EPHX2: variants seen among roughly 807,000 people sequenced by gnomAD.
EPHX2 encodes the protein bifunctional epoxide hydrolase 2.
EPHX2 carries 74 observed loss-of-function variants against 78.7 expected under a neutral mutation model. The ratio of observed to expected loss-of-function variants is 0.94; its 90% CI spans 0.78 to 1.14. The LOEUF (loss-of-function observed/expected upper bound fraction) is 1.14, where lower values mean the gene tolerates loss of function less well. Among genes scored for constraint, EPHX2 ranks in the 50% most tolerant of loss-of-function variants. The pLI is 0.00. For synonymous variants in EPHX2, 251 were observed against 255.2 expected (o/e 0.98, Z 0.16); for missense variants, 715 against 702.5 (o/e 1.02, Z -0.20).
intron 1 of EPHX2, among the ~76,000 whole-genome samples, chr8:27,494,757 G>A (rs1813512730): frequency 6.6e-6 from 1 of 152,206 alleles, no homozygotes; most frequent in South Asian, 2.1e-4. Context: ...GCCATTTGAT[G>A]AGTGTTCTCA....
At chr8:27,515,875 G>T (rs1380480132) in intron 7 of EPHX2, 62 bp downstream of exon 7, 8 of 1,409,094 alleles carry the variant, frequency 5.7e-6, no homozygotes, top group Non-Finnish European at 8.0e-6. Context: ...AGATGGTGTG[G>T]TCCGACGTGG....
At chr8:27,522,052 G>A (rs1049003582) in intron 10 of EPHX2, among the ~76,000 whole-genome samples, 1 of 152,158 alleles carries the variant, frequency 6.6e-6, no homozygotes, top group Non-Finnish European at 1.5e-5. Context: ...GTGGGGTTGT[G>A]GGGGGTAGAA....
chr8:27,501,324 T>TTTCTTCTTCTTC (rs796293855), intron 2 of EPHX2, among the ~76,000 whole-genome samples: 3,223 of 102,944 alleles, frequency 0.031, 139 homozygotes, highest in Middle Eastern at 0.045. Flanking sequence ...TGCTATATAT[T>TTTCTTCTTCTTC]TTCTTCTTCT....
At chr8:27,522,646 A>G (rs117644756) in intron 11 of EPHX2, 138 bp downstream of exon 11, 13,619 of 836,666 alleles carry the variant, frequency 0.016, 154 homozygotes, top group Non-Finnish European at 0.019. Context: ...TTCACTCTTT[A>G]GTGTCTGGTG....
At chr8:27,503,507 G>T in intron 2 of EPHX2, 97 bp from the exon 3 acceptor site, 3 of 1,342,526 alleles carry the variant, frequency 2.2e-6, no homozygotes, top group Non-Finnish European at 3.0e-6. Flanking sequence ...GAGTGGAATT[G>T]CTTGGTCACA....
chr8:27,504,251 A>G (rs1813912205), intron 3 of EPHX2, among the ~76,000 whole-genome samples: 2 of 152,162 alleles, frequency 1.3e-5, no homozygotes, highest in Admixed American at 1.3e-4. Flanking sequence ...GCATATTGAA[A>G]CTATTCCACC....
chr8:27,501,334 T>TTCTTCTTCTTCTTCC (rs1688298428), intron 2 of EPHX2, among the ~76,000 whole-genome samples: 8 of 76,136 alleles, frequency 1.1e-4, no homozygotes, highest in African/African-American at 3.2e-4. Context: ...TTTCTTCTTC[T>TTCTTCTTCTTCTTCC]TCTTCTTCTT....
chr8:27,538,769 G>A (rs1815293811), intron 14 of EPHX2, 77 bp downstream of exon 14: 2 of 1,512,488 alleles, frequency 1.3e-6, no homozygotes, highest in Non-Finnish European at 1.8e-6. Context: ...TGACTGCTAT[G>A]GGCAGAAGCC....
chr8:27,521,016 AT>A, intron 10 of EPHX2, 107 bp downstream of exon 10: 1 of 1,401,916 alleles, frequency 7.1e-7, no homozygotes, highest in Non-Finnish European at 1.0e-6. Context: ...GGGAGGGCCC[AT>A]TTTGGGGCAG....
intron 6 of EPHX2, among the ~76,000 whole-genome samples, chr8:27,515,143 G>A (rs6981050): frequency 0.031 from 4,659 of 152,202 alleles, 229 homozygotes; most frequent in African/African-American, 0.1. Context: ...ACAGCGAGGC[G>A]GGAAGTGCTG....
chr8:27,526,023 T>C (rs1252092927), intron 12 of EPHX2, among the ~76,000 whole-genome samples: 1 of 152,236 alleles, frequency 6.6e-6, no homozygotes, highest in Non-Finnish European at 1.5e-5. Flanking sequence ...GTGCCCCGCC[T>C]ACAGCTGCCC....
chr8:27,510,105 C>G (rs951772532), intron 5 of EPHX2, among the ~76,000 whole-genome samples: 3 of 152,194 alleles, frequency 2.0e-5, no homozygotes, highest in African/African-American at 7.2e-5. Context: ...GATGGGAGGA[C>G]TCACCTCCTG....
chr8:27,534,425 C>T (rs1219408836), intron 12 of EPHX2, among the ~76,000 whole-genome samples: 1 of 152,012 alleles, frequency 6.6e-6, no homozygotes, highest in Non-Finnish European at 1.5e-5. Context: ...CCGAGGCAGG[C>T]GGATCACTTC....
At position 27,511,755 on chromosome 8, in the gene EPHX2, C is replaced by G. The variant is rs1025638380; in HGVS notation, c.661-81C>G. On this transcript the variant is annotated intron_variant, in intron 5 of 18. Coordinates refer to ENST00000521400, the MANE Select transcript of EPHX2 (RefSeq NM_001979.6). ...GTGGAAAAGGTGATTTCCAAGGCCT[C>G]CCCTGGCACCAGTATTCAGGAGAGC... is the stretch of plus-strand genomic sequence containing the variant. 55 of 1,455,812 alleles carry G rather than the reference C, an allele frequency of 3.8e-5. No individual in the cohort carries two copies. In the African/African-American group the frequency reaches 6.9e-4, roughly 18 times the overall value. The allele number at this position is 1,455,812 out of a possible 1,614,324, so 90.2% of individuals were successfully genotyped here.
At position 27,501,124 on chromosome 8, in the gene EPHX2, C is replaced by A. The variant is rs191387678; in HGVS notation, c.186+114C>A. ...AAAACACCCACCTTTTCTGTGAAGACAAATGTTGTTTTAATGGTATTAATG... is the reference window on the plus strand; with the variant it reads ...AAAACACCCACCTTTTCTGTGAAGAAAAATGTTGTTTTAATGGTATTAATG... On this transcript the variant is annotated intron_variant, in intron 2 of 18. Transcript: ENST00000521400. The A allele has an allele frequency of 3.4e-4, 286 of 834,302 alleles. 1 individual carries two copies. The East Asian group carries it at 6.9e-3, about 20-fold the overall frequency. The allele number at this position is 834,302 out of a possible 1,614,324, so 51.7% of individuals were successfully genotyped here. A position where few individuals can be genotyped will look rare whatever the true frequency, so the allele number is the denominator to read the frequency against.
intron 16 of EPHX2, among the ~76,000 whole-genome samples, chr8:27,542,961 C>A (rs1815453583): frequency 1.3e-5 from 2 of 151,902 alleles, no homozygotes; most frequent in South Asian, 4.2e-4. Flanking sequence ...CAGTTTCCAG[C>A]TGGATCTTCC....
intron 10 of EPHX2, among the ~76,000 whole-genome samples, chr8:27,521,331 C>A (rs72475872): frequency 1.4e-4 from 21 of 152,308 alleles, no homozygotes; most frequent in Admixed American, 3.3e-4. Flanking sequence ...AGCAAATCAG[C>A]AGTGGTGAGC....
intron 5 of EPHX2, among the ~76,000 whole-genome samples, chr8:27,507,807 G>C (rs1814071763): frequency 1.3e-5 from 2 of 152,304 alleles, no homozygotes; most frequent in African/African-American, 4.8e-5. Context: ...GGTTTCTCCA[G>C]AAGCCTCTCT....
chr8:27,505,189 T>G (rs1813957740), intron 4 of EPHX2, 43 bp downstream of exon 4: 1 of 1,601,538 alleles, frequency 6.2e-7, no homozygotes. Context: ...TGTTCAGAGA[T>G]ATTGCAACCA....
Sources: gnomAD v4.1 joint callset for allele counts (sites outside exome capture counted in the v4.1 genomes callset) on GRCh38, gnomAD v4.1.1 for gene constraint, MANE v1.5 for transcripts, NCBI Gene and HGNC (gene_info 2026-07-23, HGNC 2026-07-21) for gene names.